The following ABCB4 variants were observed in gnomAD, a reference collection of about 807,000 sequenced individuals.
ABCB4 encodes phosphatidylcholine translocator ABCB4.
In ABCB4, 76 loss-of-function variants were observed where a neutral mutation model predicts 145.7. The ratio of observed to expected loss-of-function variants is 0.52; its 90% confidence interval spans 0.43 to 0.63. The LOEUF is 0.63. Ranked by LOEUF, ABCB4 falls within the 30% of genes least tolerant of loss-of-function variation. ABCB4 has a pLI of 0.00. For synonymous variants in ABCB4, 517 were observed against 566.8 expected, an observed-to-expected ratio of 0.91 and a Z score of 1.25; for missense variants, 1,234 against 1,553.1, an observed-to-expected ratio of 0.79 and a Z score of 3.45.
intron 2 of ABCB4, among the ~76,000 whole-genome samples, chr7:87,474,490 A>T (rs1046804872): frequency 6.6e-6 from 1 of 152,222 alleles, no homozygotes; most frequent in African/African-American, 2.4e-5. Context: ...GCATGTTTTC[A>T]GTTAGCTAAT....
chr7:87,381,343 G>GA, the ABCB4 span, among the ~76,000 whole-genome samples: 1 of 152,176 alleles, frequency 6.6e-6, no homozygotes, highest in Admixed American at 6.6e-5. Flanking sequence ...TGGCAAACCT[G>GA]AAACAGCCCC....
rs549790856 is a variant in ABCB4, at chr7:87,471,388, GA to G, written c.135+1232del. Among the ~76,000 whole-genome samples the G allele has an allele frequency of 5.6e-4, 84 of 149,674 alleles. 1 individual carries two copies. Among genetic ancestry groups the G allele is most frequent in the African/African-American group, 1.6e-3 (66 of 40,780 alleles). ...ATTTAAACAAATTTAAAAAAATAAA[GA>G]AAAAAAAACTTCTAAAAAAATAAAT... On this transcript the variant is annotated intron_variant, in intron 3 of 27. Transcript: ENST00000649586.
At chr7:87,391,697 G>A in the ABCB4 span, 1 of 1,608,474 alleles carries the variant, frequency 6.2e-7, no homozygotes, top group Non-Finnish European at 8.5e-7. Context: ...AGTCCATGCA[G>A]GATCCTTCTG....
chr7:87,430,330 C>T (rs1810126290), intron 15 of ABCB4, among the ~76,000 whole-genome samples: 1 of 152,130 alleles, frequency 6.6e-6, no homozygotes, highest in African/African-American at 2.4e-5. Flanking sequence ...TATGTGTGTA[C>T]ATGCTAATTA....
At chr7:87,380,477 C>A in the ABCB4 span, among the ~76,000 whole-genome samples, 1 of 62,684 alleles carries the variant, frequency 1.6e-5, no homozygotes, top group Non-Finnish European at 4.5e-5. Flanking sequence ...GGAAATGAGG[C>A]AGTTTAATTA....
intron 3 of ABCB4, among the ~76,000 whole-genome samples, chr7:87,466,382 A>C (rs925138901): frequency 6.6e-6 from 1 of 152,226 alleles, no homozygotes; most frequent in African/African-American, 2.4e-5. Flanking sequence ...AAAGCCTCCA[A>C]GAAATATGGG....
In ABCB4 at chr7:87,406,485, C is replaced by T. The variant is rs1054069259; in HGVS notation, c.3289G>A (p.Gly1097Ser). ...DPLAGTVLLD[G>S]QEAKKLNVQW... Reference sequence around the variant, plus strand: ...ACATTGAGTTTCTTTGCTTCTTGACCATCGAGAAGCTGAAAACCAAAGTCC... The same window carrying T: ...ACATTGAGTTTCTTTGCTTCTTGACTATCGAGAAGCTGAAAACCAAAGTCC... Residue 1097 changes from glycine to serine, a missense_variant, in exon 26 of 28, where the codon GGT (glycine) becomes AGT (serine). By Grantham distance (56) the Gly-to-Ser change is moderately conservative. Transcript: ENST00000649586. 6.2e-7 allele frequency: 1 copy of T among 1,613,518 alleles called. No homozygotes were observed. Among genetic ancestry groups the T allele is most frequent in the Non-Finnish European group, 8.5e-7 (1 of 1,179,942 alleles).
At chr7:87,447,353 G>T in intron 8 of ABCB4, 148 bp from the exon 9 acceptor site, 1 of 751,364 alleles carries the variant, frequency 1.3e-6, no homozygotes, top group Non-Finnish European at 2.2e-6. Context: ...TTTGGGAATT[G>T]AACTAATTCA....
chr7:87,451,139 AT>A (rs72422284), intron 7 of ABCB4, among the ~76,000 whole-genome samples: 219 of 145,384 alleles, frequency 1.5e-3, no homozygotes, highest in African/African-American at 2.3e-3. Context: ...AGAACTGTGA[AT>A]TTTTTTTTTT....
rs1231068583 is a variant in ABCB4, at chr7:87,403,255, CTT to C, written c.3511_3512del (p.Lys1171GlyfsTer29). ...PHKYETRVGDKGTQLSGGQKQ... is the reference protein window; with the variant it reads ...PHKYETRVGDXGTQLSGGQKQ... ...TTTGACCTCCTGAGAGCTGAGTCCC[CTT>C]ATCTCCCACTCTTGTTTCATATTTC... On this transcript the variant is annotated frameshift_variant, in exon 27 of 28. Transcript: ENST00000649586. LOFTEE classifies it high-confidence loss of function. 6.2e-7 allele frequency: 1 copy of C among 1,613,984 alleles called. No homozygotes were observed.
chr7:87,375,609 ATCT>A, the ABCB4 span: 8 of 1,569,450 alleles, frequency 5.1e-6, no homozygotes, highest in Non-Finnish European at 7.0e-6. Context: ...CTCTTTTTTA[ATCT>A]TCTTTTCATC....
the ABCB4 span, among the ~76,000 whole-genome samples, chr7:87,373,149 A>C: frequency 6.6e-6 from 1 of 152,100 alleles, no homozygotes; most frequent in East Asian, 1.9e-4. Context: ...CGATGCTAGT[A>C]AGGGTAAAGT....
intron 4 of ABCB4, among the ~76,000 whole-genome samples, chr7:87,459,931 C>T (rs1187533312): frequency 6.6e-6 from 1 of 152,096 alleles, no homozygotes; most frequent in Non-Finnish European, 1.5e-5. Flanking sequence ...AAATGTGAAA[C>T]CCAAAGATAA....
chr7:87,465,370 C>T (rs962450172), intron 3 of ABCB4, among the ~76,000 whole-genome samples: 2 of 152,074 alleles, frequency 1.3e-5, no homozygotes, highest in Admixed American at 6.5e-5. Context: ...GTAAACAAAG[C>T]GGCCAGGAAG....
the ABCB4 span, among the ~76,000 whole-genome samples, chr7:87,383,315 C>G: frequency 6.6e-6 from 1 of 152,002 alleles, no homozygotes; most frequent in Non-Finnish European, 1.5e-5. Context: ...TCTACTTCCA[C>G]GAGATCAATT....
the ABCB4 span, among the ~76,000 whole-genome samples, chr7:87,373,036 T>G: frequency 6.6e-6 from 1 of 152,164 alleles, no homozygotes; most frequent in Non-Finnish European, 1.5e-5. Context: ...TATGTTTAAC[T>G]ATTGAGAAAC....
In ABCB4 at chr7:87,411,980, G is replaced by A. The variant is rs747730303; in HGVS notation, c.2837C>T (p.Ala946Val). 6.2e-7 allele frequency: 1 copy of A among 1,613,882 alleles called. No homozygotes were observed. The highest frequency in any genetic ancestry group is 1.1e-5 in the South Asian group (1 of 91,080). The change falls in exon 23 of 28, where the codon GCA (alanine) becomes GTA (valine). Residue 946 changes from alanine to valine, a missense_variant. Ala to Val is a moderately conservative substitution (Grantham distance 64). This residue lies in a region of ABCB4 where 301 missense variants were observed against 389.0 expected (regional missense o/e 0.77). Coordinates refer to ENST00000649586, the MANE Select transcript of ABCB4 (RefSeq NM_000443.4). ...IYGITFSISQ[A>V]FMYFSYAGCF... ...ACCGGCATAGGAAAAATACATAAAT[G>A]CTTGTGAGATACTAAAAGTAATTCC...
downstream of ABCB4, chr7:87,398,410 G>A: frequency 7.6e-7 from 1 of 1,308,818 alleles, no homozygotes; most frequent in Non-Finnish European, 1.1e-6. Context: ...CCTAATGTCA[G>A]CAAGACTTCA....
At position 87,451,767 on chromosome 7, in the gene ABCB4, A is replaced by G. The variant is rs771081778; in HGVS notation, c.564T>C (p.Ile188=). 6.2e-7 allele frequency: 1 copy of G among 1,614,116 alleles called. No homozygotes were observed. Among genetic ancestry groups the G allele is most frequent in the Admixed American group, 1.7e-5 (1 of 60,012 alleles). The change falls in exon 7 of 28, where the codon ATT becomes ATC. Residue 188 remains isoleucine, a synonymous_variant. Coordinates refer to ENST00000649586, the MANE Select transcript of ABCB4 (RefSeq NM_000443.4). ...GAAAGAACATTCCAACCTTGTCACC[A>G]ATTCCTTCACTGATTTTGGAGATGT... ...TDDISKISEG[I]GDKVGMFFQA... is the part of the protein sequence containing the mutation.
Sources: gnomAD v4.1 joint callset for allele counts (sites outside exome capture counted in the v4.1 genomes callset) on GRCh38, gnomAD v4.1.1 for gene constraint, gnomAD v4.1.1 regional missense constraint, MANE v1.5 for transcripts, NCBI Gene and HGNC (gene_info 2026-07-23, HGNC 2026-07-21) for gene names.